Variants in ZNF738 observed in about 807,000 individuals in gnomAD.
ZNF738 encodes the protein zinc finger protein 738, also known as protein ZNF738.
In ZNF738, 10 loss-of-function variants were observed where a neutral mutation model predicts 9.2. That is an observed-to-expected ratio of 1.09 (90% CI 0.67 to 1.85). The LOEUF is 1.85. Ranked by LOEUF, ZNF738 falls within the 40% of genes most tolerant of loss-of-function variation. ZNF738 has a pLI of 0.00. For synonymous variants in ZNF738, 113 were observed against 94.5 expected (o/e 1.20, Z -1.14); for missense variants, 346 against 283.6 (o/e 1.22, Z -1.58).
In ZNF738 at chr19:21,383,332, T is replaced by C; in HGVS notation, c.786T>C (p.His262=). The C allele has an allele frequency of 1.4e-6, 2 of 1,387,658 alleles. No individual in the cohort carries two copies. Among genetic ancestry groups the C allele is most frequent in the Non-Finnish European group, 1.0e-6 (1 of 993,392 alleles). 86.0% of individuals were successfully genotyped at this position (1,387,658 alleles called of 1,614,324 possible). A position where few individuals can be genotyped will look rare whatever the true frequency, so the allele number is the denominator to read the frequency against. ...ATACTGGAGACAAATCCTACAAACA[T>C]GAAGAATGTGGAAAAGGTTTTAACC... is the stretch of plus-strand genomic sequence containing the variant. ...RIHTGDKSYK[H]EECGKGFNHS... Residue 262 remains histidine, a synonymous_variant, in exon 5 of 5, where the codon CAT becomes CAC. Coordinates refer to ENST00000683779, the MANE Select transcript of ZNF738 (RefSeq NM_001355237.2).
intron 3 of ZNF738, 135 bp from the exon 4 acceptor site, chr19:21,375,734 A>G (rs8111189): frequency 0.21 from 98,359 of 458,920 alleles, 11,472 homozygotes; most frequent in Non-Finnish European, 0.24. Flanking sequence ...AAATGTAAGA[A>G]CTTTCTGTCA....
At chr19:21,378,287 A>G (rs1973959643) in intron 4 of ZNF738, 1 of 289,364 alleles carries the variant, frequency 3.5e-6, no homozygotes, top group South Asian at 1.7e-4. Context: ...ATTTTTGTGT[A>G]TGTGCGTATC....
chr19:21,378,189 T>C (rs2145237748), intron 4 of ZNF738: 1 of 364,590 alleles, frequency 2.7e-6, no homozygotes, highest in South Asian at 1.5e-4. Context: ...ATTAACATGT[T>C]TATAATGATT....
At chr19:21,373,452 A>G (rs1973882039) in intron 2 of ZNF738, among the ~76,000 whole-genome samples, 1 of 152,162 alleles carries the variant, frequency 6.6e-6, no homozygotes, top group African/African-American at 2.4e-5. Context: ...TTTGATAGGG[A>G]GAGGTCAGTG....
rs550655156 is a variant in ZNF738, at chr19:21,385,142, G to A, written c.*1468G>A. On this transcript the variant is annotated 3_prime_UTR_variant, in exon 5 of 5. Transcript: ENST00000683779. ...GAGGCAGGCAGATCACCTGGTCAATGGTCCTCTACCCTTACTAAAGATAAA... is the reference window on the plus strand; with the variant it reads ...GAGGCAGGCAGATCACCTGGTCAATAGTCCTCTACCCTTACTAAAGATAAA... Among the ~76,000 whole-genome samples the A allele has an allele frequency of 1.1e-4, 17 of 148,030 alleles. No homozygotes were observed. Among genetic ancestry groups the A allele is most frequent in the African/African-American group, 4.0e-4 (16 of 40,118 alleles).
At position 21,384,532 on chromosome 19, in the gene ZNF738, G is replaced by A. The variant is rs1974043986; in HGVS notation, c.*858G>A. 6.7e-6 allele frequency among the ~76,000 whole-genome samples: 1 copy of A among 149,994 alleles called. No homozygotes were observed. Among genetic ancestry groups the A allele is most frequent in the Admixed American group, 6.6e-5 (1 of 15,116 alleles). ...GAAGAAAGTGGCAAAGCTTTTAACTGTTCCTCACAAATTACTAGACATAAG... is the reference window on the plus strand; with the variant it reads ...GAAGAAAGTGGCAAAGCTTTTAACTATTCCTCACAAATTACTAGACATAAG... On this transcript the variant is annotated 3_prime_UTR_variant, in exon 5 of 5. Coordinates refer to ENST00000683779, the MANE Select transcript of ZNF738 (RefSeq NM_001355237.2).
intron 2 of ZNF738, among the ~76,000 whole-genome samples, chr19:21,363,867 T>A (rs1456072137): frequency 1.3e-5 from 1 of 79,956 alleles, no homozygotes; most frequent in East Asian, 4.1e-4. Context: ...CCAGACTGGG[T>A]GACAGTGAGA....
At position 21,378,683 on chromosome 19, in the gene ZNF738, G is replaced by A. The variant is rs116826489; in HGVS notation, c.319+2719G>A. 28 of 382,740 alleles carry A rather than the reference G, an allele frequency of 7.3e-5. No homozygotes were observed. The East Asian group carries it at 2.8e-3, about 38-fold the overall frequency. The allele number at this position is 382,740 out of a possible 1,614,324, so 23.7% of individuals were successfully genotyped here. On this transcript the variant is annotated intron_variant, in intron 4 of 4. Transcript: ENST00000683779. ...GAGTGAAATGGCGCGATTTCACCTC[G>A]CTGTGTCCCAGGTTCAAGCAGTTCT...
At position 21,383,687 on chromosome 19, in the gene ZNF738, T is replaced by G; in HGVS notation, c.*13T>G. 2.0e-6 allele frequency: 2 copies of G among 991,598 alleles called. No homozygotes were observed. Among genetic ancestry groups the G allele is most frequent in the Non-Finnish European group, 1.6e-6 (1 of 627,234 alleles). 61.4% of individuals were successfully genotyped at this position (991,598 alleles called of 1,614,324 possible). A position where few individuals can be genotyped will look rare whatever the true frequency, so the allele number is the denominator to read the frequency against. ...CAAATGTGAATAATGTGGCAAAGCCTTTAATGTATTCGCAACCCTTACTAG... is the reference window on the plus strand; with the variant it reads ...CAAATGTGAATAATGTGGCAAAGCCGTTAATGTATTCGCAACCCTTACTAG... On this transcript the variant is annotated 3_prime_UTR_variant, in exon 5 of 5. Transcript: ENST00000683779.
At chr19:21,375,066 CAGAGTT>C (rs1203385785) in intron 2 of ZNF738, among the ~76,000 whole-genome samples, 166 bp from the exon 3 acceptor site, 1 of 152,162 alleles carries the variant, frequency 6.6e-6, no homozygotes, top group African/African-American at 2.4e-5. Context: ...TCTCTTCTCT[CAGAGTT>C]AGAGAATACA....
At chr19:21,361,428 C>T (rs1342726441) in intron 1 of ZNF738, among the ~76,000 whole-genome samples, 2 of 152,224 alleles carry the variant, frequency 1.3e-5, no homozygotes, top group Admixed American at 1.3e-4. Flanking sequence ...GCGTGAGCCA[C>T]CACACCCAGA....
rs1974025417 is a variant in ZNF738 at position 21,383,117 on chromosome 19, T to G, written c.571T>G (p.Ser191Ala). The change falls in exon 5 of 5, where the codon TCA (serine) becomes GCA (alanine). Residue 191 changes from serine (S) to alanine (A), a missense_variant. Transcript: ENST00000683779. ...GAAAGTCTTTCATAAATTTTTAAATTCAAATACACATAAGACAAGACATAC... is the reference window on the plus strand; with the variant it reads ...GAAAGTCTTTCATAAATTTTTAAATGCAAATACACATAAGACAAGACATAC... ...YVKVFHKFLN[S>A]NTHKTRHTGK... The G allele has an allele frequency of 1.9e-6, 3 of 1,551,668 alleles. No individual in the cohort carries two copies. Among genetic ancestry groups the G allele is most frequent in the South Asian group, 2.3e-5 (2 of 88,784 alleles).
chr19:21,383,821 A>G lies in ZNF738; in HGVS notation c.*147A>G. 7.8e-7 allele frequency: 1 copy of G among 1,281,400 alleles called. No homozygotes were observed. The highest frequency in any genetic ancestry group is 1.1e-6 in the Non-Finnish European group (1 of 886,248). The allele number at this position is 1,281,400 out of a possible 1,614,324, so 79.4% of individuals were successfully genotyped here. ...CTCATGAAAATTCATTCTGGAGAGA[A>G]ACCCTACAAATGTGGAGAATGTGGC... is the stretch of plus-strand genomic sequence containing the variant. On this transcript the variant is annotated 3_prime_UTR_variant, in exon 5 of 5. Transcript: ENST00000683779.
At chr19:21,360,381 A>G (rs940788474) in intron 1 of ZNF738, 1 of 152,110 alleles carries the variant, frequency 6.6e-6, no homozygotes, top group African/African-American at 2.4e-5. Context: ...CTAAATTTCC[A>G]ATTTCTTCTG....
At chr19:21,375,680 A>G (rs1973917854) in intron 3 of ZNF738, among the ~76,000 whole-genome samples, 189 bp from the exon 4 acceptor site, 2 of 152,172 alleles carry the variant, frequency 1.3e-5, no homozygotes, top group Admixed American at 6.5e-5. Context: ...ATTCATGAGC[A>G]CTGAGTAGCA....
At position 21,383,204 on chromosome 19, in the gene ZNF738, G is replaced by T; in HGVS notation, c.658G>T (p.Gly220Cys). Residue 220 changes from glycine (G) to cysteine (C), a missense_variant, in exon 5 of 5, where the codon GGT becomes TGT. Transcript: ENST00000683779. ...GKSFCMLLHL[G>C]QHKIIHIREN... Reference sequence around the variant, plus strand: ...ATCATTTTGCATGCTTTTACACCTAGGTCAACATAAAATAATTCATATTAG... The same window carrying T: ...ATCATTTTGCATGCTTTTACACCTATGTCAACATAAAATAATTCATATTAG... The T allele has an allele frequency of 6.3e-7, 1 of 1,588,968 alleles. No homozygotes were observed. The highest frequency in any genetic ancestry group is 8.6e-7 in the Non-Finnish European group (1 of 1,163,430).
intron 2 of ZNF738, chr19:21,372,454 C>A (rs1431733510): frequency 6.6e-6 from 1 of 152,150 alleles, no homozygotes; most frequent in African/African-American, 2.4e-5. Context: ...GTAAATCCTG[C>A]TGACTTTCTA....
chr19:21,360,852 G>A (rs1157999661), intron 1 of ZNF738, among the ~76,000 whole-genome samples: 3 of 148,068 alleles, frequency 2.0e-5, no homozygotes, highest in South Asian at 2.1e-4. Flanking sequence ...TTTTTGAGAC[G>A]GAGTTTCACT....
chr19:21,387,387 C>T lies in ZNF738; in HGVS notation c.*3713C>T, dbSNP rs1276396132. Among the ~76,000 whole-genome samples the T allele has an allele frequency of 3.3e-5, 5 of 151,956 alleles. No homozygotes were observed. The East Asian group carries it at 9.8e-4, about 30-fold the overall frequency. Reference sequence around the variant, plus strand: ...TACTTTTAGTAGAGATGGGGTATGACCATCTTGGCCAGGCTGGTCTCAAAC... The same window carrying T: ...TACTTTTAGTAGAGATGGGGTATGATCATCTTGGCCAGGCTGGTCTCAAAC... On this transcript the variant is annotated 3_prime_UTR_variant, in exon 5 of 5. Coordinates refer to ENST00000683779, the MANE Select transcript of ZNF738 (RefSeq NM_001355237.2).
Sources: allele counts gnomAD v4.1 joint callset (sites outside exome capture counted in the v4.1 genomes callset), GRCh38; gene constraint gnomAD v4.1.1; transcripts MANE v1.5; gene names NCBI Gene and HGNC (gene_info 2026-07-23, HGNC 2026-07-21).